The following WDFY4 variants were observed in gnomAD, a reference collection of about 807,000 sequenced individuals.
WDFY4 encodes the protein WD repeat- and FYVE domain-containing protein 4.
Under a neutral mutation model 351.9 loss-of-function variants are expected in WDFY4, and 169 were observed. The ratio of observed to expected loss-of-function variants is 0.48; its 90% confidence interval spans 0.42 to 0.55. WDFY4 has a LOEUF of 0.55. Ranked by LOEUF, WDFY4 falls within the 20% of genes least tolerant of loss-of-function variation. The probability of loss-of-function intolerance (pLI) is 0.00; values close to 1 mark genes in which losing one functional copy is unlikely to be tolerated. For synonymous variants in WDFY4, 1,622 were observed against 1,574.6 expected (o/e 1.03, Z -0.71); for missense variants, 3,803 against 3,935.6 (o/e 0.97, Z 0.90).
chr10:48,976,202 C>T (rs1397612973), intron 58 of WDFY4, among the ~76,000 whole-genome samples: 1 of 152,186 alleles, frequency 6.6e-6, no homozygotes, highest in South Asian at 2.1e-4. Context: ...TAGGGCAAGG[C>T]TCAAAGGGAT....
intron 15 of WDFY4, 151 bp from the exon 16 acceptor site, chr10:48,776,599 A>G: frequency 4.0e-6 from 3 of 742,670 alleles, no homozygotes; most frequent in South Asian, 2.0e-5. Context: ...GCTGGGGGCC[A>G]GGGAGCCACC....
In WDFY4 at chr10:48,806,010, G is replaced by T. The variant is rs867338981; in HGVS notation, c.4653G>T (p.Gly1551=). ...HFSTQDLLRI[G]LFVVYTLKPS... ...TCTCTCCCTGTGTATAAAGGATTGGGCTGTTTGTTGTGTACACCCTCAAGC... is the reference window on the plus strand; with the variant it reads ...TCTCTCCCTGTGTATAAAGGATTGGTCTGTTTGTTGTGTACACCCTCAAGC... The change falls in exon 27 of 62, where the codon GGG becomes GGT. Residue 1551 remains glycine (G), a synonymous_variant. Coordinates refer to ENST00000325239, the MANE Select transcript of WDFY4 (RefSeq NM_001394531.1). The T allele has an allele frequency of 6.4e-7, 1 of 1,551,588 alleles. No homozygotes were observed. Among genetic ancestry groups the T allele is most frequent in the Non-Finnish European group, 8.7e-7 (1 of 1,146,998 alleles).
At chr10:48,953,710 A>C (rs955114766) in intron 51 of WDFY4, among the ~76,000 whole-genome samples, 3 of 152,208 alleles carry the variant, frequency 2.0e-5, no homozygotes, top group African/African-American at 7.2e-5. Flanking sequence ...GTTGATTTGG[A>C]TCAGTGTTAT....
At chr10:48,697,512 C>T (rs1054106721) in intron 1 of WDFY4, among the ~76,000 whole-genome samples, 7 of 152,220 alleles carry the variant, frequency 4.6e-5, no homozygotes, top group African/African-American at 7.2e-5. Flanking sequence ...GATGGCTGCT[C>T]TGTTTCCAAG....
intron 39 of WDFY4, among the ~76,000 whole-genome samples, chr10:48,840,798 G>A (rs1371864429): frequency 6.6e-6 from 1 of 152,216 alleles, no homozygotes; most frequent in East Asian, 1.9e-4. Flanking sequence ...GGAGTCTTAA[G>A]TGTCTCTGGT....
intron 1 of WDFY4, among the ~76,000 whole-genome samples, chr10:48,703,072 G>A (rs921693293): frequency 6.6e-6 from 1 of 152,194 alleles, no homozygotes; most frequent in Non-Finnish European, 1.5e-5. Flanking sequence ...TTTTAATTTG[G>A]TTTTAGATTG....
At chr10:48,913,819 G>T (rs1838241991) in intron 47 of WDFY4, 1 of 1,614,128 alleles carries the variant, frequency 6.2e-7, no homozygotes, top group East Asian at 2.2e-5. Context: ...TCCACGGGCA[G>T]CCCGTTGCTG....
intron 31 of WDFY4, among the ~76,000 whole-genome samples, chr10:48,815,815 G>T (rs1488097600): frequency 1.3e-5 from 2 of 151,250 alleles, no homozygotes; most frequent in African/African-American, 4.9e-5. Context: ...ACCTCATTTA[G>T]TCACTCTGTC....
At chr10:48,971,127 G>A in intron 57 of WDFY4, among the ~76,000 whole-genome samples, 1 of 152,122 alleles carries the variant, frequency 6.6e-6, no homozygotes, top group East Asian at 1.9e-4. Flanking sequence ...AATATCACTA[G>A]GGGACACTTT....
At chr10:48,745,880 C>T in intron 12 of WDFY4, 1 of 283,978 alleles carries the variant, frequency 3.5e-6, no homozygotes, top group South Asian at 4.5e-5. Flanking sequence ...GGACCGCGGG[C>T]CCTGCACTGT....
chr10:48,777,171 G>A (rs1034250874), intron 16 of WDFY4, among the ~76,000 whole-genome samples, 187 bp downstream of exon 16: 1 of 152,216 alleles, frequency 6.6e-6, no homozygotes, highest in African/African-American at 2.4e-5. Flanking sequence ...GCTATGGAGG[G>A]CCAAGACCCT....
intron 44 of WDFY4, among the ~76,000 whole-genome samples, chr10:48,894,049 C>T (rs17011387): frequency 0.059 from 8,946 of 152,236 alleles, 493 homozygotes; most frequent in African/African-American, 0.15. Context: ...GACTCCCAAT[C>T]ACAGCTGTGT....
Position 48,729,485 on chromosome 10 carries a change from G to A in WDFY4, c.1025G>A (p.Gly342Glu), listed in dbSNP as rs1480712892. 6.4e-7 allele frequency: 1 copy of A among 1,551,668 alleles called. No homozygotes were observed. The highest frequency in any genetic ancestry group is 2.4e-5 in the East Asian group (1 of 40,920). The change falls in exon 8 of 62, where the codon GGG becomes GAG. Residue 342 changes from glycine to glutamate, a missense_variant. By Grantham distance (98) the Gly-to-Glu change is moderately conservative. Coordinates refer to ENST00000325239, the MANE Select transcript of WDFY4 (RefSeq NM_001394531.1). ...GACCCGCATCTGGAGGAGCTCCTTG[G>A]GCTGGTGGTGTGGCTGACAACCTGT... ...EVDPHLEELLGLVVWLTTCGR... is the reference protein window; with the variant it reads ...EVDPHLEELLELVVWLTTCGR...
In WDFY4 at chr10:48,832,619, C is replaced by T. The variant is rs370488042; in HGVS notation, c.6573C>T (p.His2191=). ...SLASRSNVAH[H]SKVTLWSGSL... is the part of the protein sequence containing the mutation. ...CAAGTCGTTCAAATGTTGCACACCACAGCAAAGTCACTTTGTGGAGTGGAA... is the reference window on the plus strand; with the variant it reads ...CAAGTCGTTCAAATGTTGCACACCATAGCAAAGTCACTTTGTGGAGTGGAA... The change falls in exon 39 of 62, where the codon CAC becomes CAT. Residue 2191 remains histidine, a synonymous_variant. Transcript: ENST00000325239. 7.7e-6 allele frequency: 12 copies of T among 1,551,032 alleles called. No individual in the cohort carries two copies. Among genetic ancestry groups the T allele is most frequent in the Non-Finnish European group, 9.6e-6 (11 of 1,146,622 alleles).
intron 11 of WDFY4, among the ~76,000 whole-genome samples, chr10:48,742,227 T>C (rs1445961682): frequency 6.6e-6 from 1 of 152,232 alleles, no homozygotes; most frequent in Non-Finnish European, 1.5e-5. Flanking sequence ...CCACGATGTA[T>C]CCTATCAGTG....
intron 13 of WDFY4, among the ~76,000 whole-genome samples, chr10:48,765,557 C>T (rs2132549179): frequency 6.6e-6 from 1 of 152,320 alleles, no homozygotes; most frequent in Non-Finnish European, 1.5e-5. Context: ...AGCATTTTAT[C>T]ATTTAATCAT....
intron 4 of WDFY4, among the ~76,000 whole-genome samples, chr10:48,721,782 G>A (rs929179656): frequency 1.3e-5 from 2 of 152,182 alleles, no homozygotes; most frequent in African/African-American, 4.8e-5. Flanking sequence ...TCTTGGTGAT[G>A]CCAGTGAGTG....
Position 48,914,702 on chromosome 10 carries a change from C to T in WDFY4, c.7586+12839C>T, listed in dbSNP as rs144432772. On this transcript the variant is annotated intron_variant, in intron 47 of 61. Coordinates refer to ENST00000325239, the MANE Select transcript of WDFY4 (RefSeq NM_001394531.1). ...TTAGAGAATAAGGTGGGTACTAAGA[C>T]CAACTTCTCACATCCCTCTTCCCCT... Among the ~76,000 whole-genome samples the T allele has an allele frequency of 3.9e-5, 6 of 152,276 alleles. No individual in the cohort carries two copies. The East Asian group carries it at 1.2e-3, about 29-fold the overall frequency.
In WDFY4 at chr10:48,731,516, G is replaced by A. The variant is rs1413691437; in HGVS notation, c.1536G>A (p.Leu512=). The A allele has an allele frequency of 3.9e-6, 6 of 1,551,442 alleles. No homozygotes were observed. The highest frequency in any genetic ancestry group is 5.2e-6 in the Non-Finnish European group (6 of 1,146,968). ...TCCGGGACTCAGGGCTCCTGGGCCT[G>A]CTACTGGCACAGCTTCGGAAGCAAG... ...DIFRDSGLLG[L]LLAQLRKQAK... Residue 512 remains leucine, a synonymous_variant, in exon 9 of 62, where the codon CTG becomes CTA. Coordinates refer to ENST00000325239, the MANE Select transcript of WDFY4 (RefSeq NM_001394531.1).
Sources: gnomAD v4.1 joint callset for allele counts (sites outside exome capture counted in the v4.1 genomes callset) on GRCh38, gnomAD v4.1.1 for gene constraint, MANE v1.5 for transcripts, NCBI Gene and HGNC (gene_info 2026-07-23, HGNC 2026-07-21) for gene names.